Variants in TMEM18 observed in about 807,000 individuals in gnomAD.
The protein encoded by TMEM18 is transmembrane protein 18.
Under a neutral mutation model 17.4 loss-of-function variants are expected in TMEM18, and 14 were observed. That is an observed-to-expected ratio of 0.80 (90% CI 0.53 to 1.25). TMEM18 has a LOEUF of 1.25. TMEM18 is among the 50% of genes most tolerant of loss of function. The pLI is 0.00. For missense variants in TMEM18, 187 were observed against 172.1 expected (o/e 1.09, Z -0.48); for synonymous variants, 86 against 66.1 (o/e 1.30, Z -1.46).
At position 665,045 on chromosome 2, in the gene TMEM18, C is replaced by T. The variant is rs1678642663; in HGVS notation, c.*4535G>A. ...CAATTTTCTCCTGTTCCAAAGATAT[C>T]CAATGTTATATAAGAAATAACCAAA... On this transcript the variant is annotated 3_prime_UTR_variant, in exon 5 of 5. Coordinates refer to ENST00000281017, the MANE Select transcript of TMEM18 (RefSeq NM_152834.4). Among the ~76,000 whole-genome samples, 1 of 152,154 alleles carries T rather than the reference C, an allele frequency of 6.6e-6. No homozygotes were observed. Among genetic ancestry groups the T allele is most frequent in the African/African-American group, 2.4e-5 (1 of 41,428 alleles).
intron 2 of TMEM18, 30 bp from the exon 3 acceptor site, chr2:672,892 T>G: frequency 6.7e-7 from 1 of 1,502,200 alleles, no homozygotes; most frequent in Non-Finnish European, 8.8e-7. Context: ...ATATTAGAAT[T>G]TAGATGGCCC....
At chr2:674,384 C>T (rs932803896) in intron 2 of TMEM18, among the ~76,000 whole-genome samples, 1 of 152,214 alleles carries the variant, frequency 6.6e-6, no homozygotes, top group Non-Finnish European at 1.5e-5. Context: ...GCACCTTTTG[C>T]CCCTGGGTTC....
In TMEM18 at chr2:669,683, C is replaced by T; in HGVS notation, c.328-8G>A. Reference sequence around the variant, plus strand: ...CTTCCATACCCACATAACCTAAACACAATTGTTTGAGACATGTTTAGATTT... The same window carrying T: ...CTTCCATACCCACATAACCTAAACATAATTGTTTGAGACATGTTTAGATTT... On this transcript the variant is annotated splice_region_variant and splice_polypyrimidine_tract_variant and intron_variant, in intron 4 of 4. Coordinates refer to ENST00000281017, the MANE Select transcript of TMEM18 (RefSeq NM_152834.4). 12 of 1,614,094 alleles carry T rather than the reference C, an allele frequency of 7.4e-6. No homozygotes were observed. Among genetic ancestry groups the T allele is most frequent in the Non-Finnish European group, 9.3e-6 (11 of 1,180,008 alleles).
At position 669,842 on chromosome 2, in the gene TMEM18, G is replaced by T. The variant is rs969982865; in HGVS notation, c.242C>A (p.Ser81Ter). 5.0e-6 allele frequency: 8 copies of T among 1,610,048 alleles called. No homozygotes were observed. The highest frequency in any genetic ancestry group is 6.8e-6 in the Non-Finnish European group (8 of 1,179,006). ...EAAAMNWRLF[S>*]KYQYFDSRGM... ...CCTGGAGTCGAAATACTGGTATTTC[G>T]AAAATAATCTGTTTAAAAAACAAAA... Residue 81 changes from serine to a stop codon, truncating the protein, a stop_gained, in exon 4 of 5, where the codon TCG becomes TAG. Coordinates refer to ENST00000281017, the MANE Select transcript of TMEM18 (RefSeq NM_152834.4). LOFTEE classifies it high-confidence loss of function.
rs141718514 is a variant in TMEM18 at position 669,546 on chromosome 2, G to A, written c.*34C>T. The A allele has an allele frequency of 1.5e-4, 248 of 1,607,842 alleles. 1 individual carries two copies. The East Asian group carries it at 3.0e-3, about 19-fold the overall frequency. ...GCACTGGGAGCTGCACTGGGTGGAC[G>A]GGAAGGACGCAAACTCCAAGCAGCT... On this transcript the variant is annotated 3_prime_UTR_variant, in exon 5 of 5. Coordinates refer to ENST00000281017, the MANE Select transcript of TMEM18 (RefSeq NM_152834.4).
chr2:673,219 C>T (rs982865654), intron 2 of TMEM18, among the ~76,000 whole-genome samples: 12 of 152,202 alleles, frequency 7.9e-5, no homozygotes, highest in African/African-American at 2.7e-4. Flanking sequence ...CCACAGAACA[C>T]GGCAGCAGGA....
chr2:673,001 T>C (rs1351035592), intron 2 of TMEM18, 139 bp from the exon 3 acceptor site: 1 of 827,226 alleles, frequency 1.2e-6, no homozygotes, highest in Non-Finnish European at 1.8e-6. Context: ...CATCCTAACA[T>C]TGTCAAGTCG....
chr2:672,706 A>T, intron 3 of TMEM18, 102 bp downstream of exon 3: 1 of 1,094,442 alleles, frequency 9.1e-7, no homozygotes, highest in Non-Finnish European at 1.2e-6. Context: ...CACAGCTGCC[A>T]CGTTAGGATT....
rs560604067 is a variant in TMEM18, at chr2:665,319, CCA to C, written c.*4259_*4260del. Among the ~76,000 whole-genome samples the C allele has an allele frequency of 6.6e-6, 1 of 151,710 alleles. No homozygotes were observed. Among genetic ancestry groups the C allele is most frequent in the East Asian group, 1.9e-4 (1 of 5,162 alleles). ...GAATCAACCCCACATAAAATAGAAC[CCA>C]GAGATGCAGATGCACCACTCACTCA... On this transcript the variant is annotated 3_prime_UTR_variant, in exon 5 of 5. Coordinates refer to ENST00000281017, the MANE Select transcript of TMEM18 (RefSeq NM_152834.4).
intron 2 of TMEM18, among the ~76,000 whole-genome samples, chr2:674,400 G>A (rs1678940100): frequency 6.6e-6 from 1 of 152,104 alleles, no homozygotes; most frequent in Non-Finnish European, 1.5e-5. Flanking sequence ...GGTTCCCAGG[G>A]GACTGTGTGA....
At position 668,479 on chromosome 2, in the gene TMEM18, A is replaced by C. The variant is rs955310238; in HGVS notation, c.*1101T>G. The C allele has an allele frequency of 2.6e-5, 4 of 152,216 alleles. No homozygotes were observed. Among genetic ancestry groups the C allele is most frequent in the Admixed American group, 2.0e-4 (3 of 15,290 alleles). 9.4% of individuals were successfully genotyped at this position (152,216 alleles called of 1,614,324 possible). On this transcript the variant is annotated 3_prime_UTR_variant, in exon 5 of 5. Transcript: ENST00000281017. ...CATGAACTTGGCTGGTGAGCTCTGC[A>C]CCTCAACATTCTCTTCCCAGGCTTG...
chr2:671,959 G>A (rs1011240646), intron 3 of TMEM18, among the ~76,000 whole-genome samples: 9 of 152,202 alleles, frequency 5.9e-5, no homozygotes, highest in Admixed American at 2.6e-4. Context: ...GGACGCTGTC[G>A]TGGAGGGAAA....
Position 666,425 on chromosome 2 carries a change from G to A in TMEM18, c.*3155C>T, listed in dbSNP as rs1054725968. Among the ~76,000 whole-genome samples the A allele has an allele frequency of 1.3e-5, 2 of 152,152 alleles. No homozygotes were observed. Among genetic ancestry groups the A allele is most frequent in the East Asian group, 1.9e-4 (1 of 5,192 alleles). ...TAATAGCTACACCTTCCCCCAAAGC[G>A]AGGAAAGATCTAACTGTACAGGCCG... On this transcript the variant is annotated 3_prime_UTR_variant, in exon 5 of 5. Coordinates refer to ENST00000281017, the MANE Select transcript of TMEM18 (RefSeq NM_152834.4).
rs545520507 is a variant in TMEM18, at chr2:666,367, G to A, written c.*3213C>T. On this transcript the variant is annotated 3_prime_UTR_variant, in exon 5 of 5. Transcript: ENST00000281017. Reference sequence around the variant, plus strand: ...GCGCCTCCCCTGGCATAGGTCTTGTGCAATTTCTAATGACAGCATGATTCG... The same window carrying A: ...GCGCCTCCCCTGGCATAGGTCTTGTACAATTTCTAATGACAGCATGATTCG... Among the ~76,000 whole-genome samples the A allele has an allele frequency of 2.0e-5, 3 of 152,278 alleles. No homozygotes were observed. The East Asian group carries it at 5.8e-4, about 29-fold the overall frequency.
Position 677,405 on chromosome 2 carries a change from A to C in TMEM18, c.-60T>G. 6.3e-7 allele frequency: 1 copy of C among 1,584,382 alleles called. No individual in the cohort carries two copies. The highest frequency in any genetic ancestry group is 1.1e-5 in the South Asian group (1 of 87,518). On this transcript the variant is annotated 5_prime_UTR_variant, in exon 1 of 5. Coordinates refer to ENST00000281017, the MANE Select transcript of TMEM18 (RefSeq NM_152834.4). ...AACCCGGCCTGGCCAGAATCCACAGAGGAGGGCGCCAAATCCTCTCTCGTG... is the reference window on the plus strand; with the variant it reads ...AACCCGGCCTGGCCAGAATCCACAGCGGAGGGCGCCAAATCCTCTCTCGTG...
intron 2 of TMEM18, among the ~76,000 whole-genome samples, chr2:673,488 C>T (rs2103092924): frequency 6.6e-6 from 1 of 152,314 alleles, no homozygotes; most frequent in South Asian, 2.1e-4. Flanking sequence ...TACTCAAACC[C>T]ATGAGACAGT....
At chr2:676,367 C>G (rs910456656) in intron 1 of TMEM18, 4 of 1,417,174 alleles carry the variant, frequency 2.8e-6, no homozygotes, top group Non-Finnish European at 2.8e-6. Flanking sequence ...CTTGAGCGCC[C>G]TCCTGCAGAA....
rs755752154 is a variant in TMEM18, at chr2:672,820, G to A, written c.221C>T (p.Ala74Val). ...YCAEYINEAA[A>V]MNWRLFSKYQ... Reference sequence around the variant, plus strand: ...GGGGTGGGCTCACCTCCAGTTCATCGCAGCCGCCTCATTGATGTATTCAGC... The same window carrying A: ...GGGGTGGGCTCACCTCCAGTTCATCACAGCCGCCTCATTGATGTATTCAGC... The change falls in exon 3 of 5, where the codon GCG becomes GTG. Residue 74 changes from alanine to valine, a missense_variant. By Grantham distance (64) the Ala-to-Val change is moderately conservative (BLOSUM62 0). Transcript: ENST00000281017. 12 of 1,475,200 alleles carry A rather than the reference G, an allele frequency of 8.1e-6. No homozygotes were observed. Among genetic ancestry groups the A allele is most frequent in the Admixed American group, 5.8e-5 (2 of 34,562 alleles). 91.4% of individuals were successfully genotyped at this position (1,475,200 alleles called of 1,614,324 possible).
At chr2:677,071 C>T in intron 1 of TMEM18, 1 of 463,614 alleles carries the variant, frequency 2.2e-6, no homozygotes, top group Non-Finnish European at 3.7e-6. Flanking sequence ...CCGGCCCCCT[C>T]CCACAGGGCC....
Sources: allele counts gnomAD v4.1 joint callset (sites outside exome capture counted in the v4.1 genomes callset), GRCh38; gene constraint gnomAD v4.1.1; transcripts MANE v1.5; gene names NCBI Gene and HGNC (gene_info 2026-07-23, HGNC 2026-07-21).